Variants in MYO15B observed in about 807,000 individuals in gnomAD.
MYO15B encodes the protein myosin XVB pseudogene.
MYO15B carries 207 observed loss-of-function variants against 119.3 expected under a neutral mutation model. The ratio of observed to expected loss-of-function variants is 1.73; its 90% CI spans 1.55 to 1.95. MYO15B has a LOEUF of 1.95. Ranked by LOEUF, MYO15B falls within the 30% of genes most tolerant of loss-of-function variation. The probability of loss-of-function intolerance (pLI) is 0.00; values close to 1 mark genes in which losing one functional copy is unlikely to be tolerated. For missense variants in MYO15B, 2,264 were observed against 1,203.1 expected (o/e 1.88, Z -13.04); for synonymous variants, 966 against 498.9 (o/e 1.94, Z -12.48).
chr17:75,619,502 G>A, intron 45 of MYO15B, 26 bp downstream of exon 45: 1 of 698,722 alleles, frequency 1.4e-6, no homozygotes, highest in Non-Finnish European at 2.6e-6. Context: ...GTAGGGAGTA[G>A]GGATGCCAGG....
At position 75,603,171 on chromosome 17, in the gene MYO15B, C is replaced by A; in HGVS notation, c.3892-17C>A. On this transcript the variant is annotated splice_polypyrimidine_tract_variant and intron_variant, in intron 18 of 63. Transcript: ENST00000645453. ...CCCTTGACTCCAGCTGTCTTTGGCT[C>A]TGTCTTGTGGCCACAGCTTCCAGGC... 1 of 703,180 alleles carries A rather than the reference C, an allele frequency of 1.4e-6. No homozygotes were observed. 43.6% of individuals were successfully genotyped at this position (703,180 alleles called of 1,614,324 possible).
At chr17:75,617,547 C>T (rs972757927) in intron 41 of MYO15B, 3 of 575,666 alleles carry the variant, frequency 5.2e-6, no homozygotes, top group Non-Finnish European at 9.2e-6. Context: ...TTGTCCCTGA[C>T]ACATACCCGA....
chr17:75,597,169 G>A (rs1340143687), intron 14 of MYO15B, among the ~76,000 whole-genome samples: 1 of 152,232 alleles, frequency 6.6e-6, no homozygotes, highest in African/African-American at 2.4e-5. Flanking sequence ...ACAGAAGGGG[G>A]ACAGTAGTGC....
chr17:75,593,695 G>A (rs528474748), intron 9 of MYO15B, among the ~76,000 whole-genome samples: 6 of 150,590 alleles, frequency 4.0e-5, no homozygotes, highest in African/African-American at 1.5e-4. Context: ...CTAGATGGGC[G>A]GATCACCTGA....
exon 49 of MYO15B, chr17:75,620,525 G>T (rs1314803063): frequency 1.4e-6 from 1 of 702,854 alleles, no homozygotes; most frequent in Non-Finnish European, 2.6e-6. Context: ...ACATAGTGCA[G>T]CCGGCTGCCG....
intron 14 of MYO15B, among the ~76,000 whole-genome samples, chr17:75,598,451 G>A (rs1262091907): frequency 1.4e-5 from 2 of 146,670 alleles, no homozygotes; most frequent in African/African-American, 2.5e-5. Flanking sequence ...GATAGTGGGC[G>A]CCTGTAGTCC....
chr17:75,608,794 C>T (rs2057816590), intron 21 of MYO15B, among the ~76,000 whole-genome samples: 1 of 152,050 alleles, frequency 6.6e-6, no homozygotes. Flanking sequence ...AGTGCAATGG[C>T]TTGGTCTCAG....
At chr17:75,592,999 T>TAC in intron 9 of MYO15B, 159 bp downstream of exon 9, 1 of 572,304 alleles carries the variant, frequency 1.7e-6, no homozygotes, top group Non-Finnish European at 3.1e-6. Context: ...AGCTGAGACA[T>TAC]AGAGCTTCTC....
In MYO15B at chr17:75,615,257, C is replaced by T. The variant is rs1163370922; in HGVS notation, c.5659C>T (p.Gln1887Ter). ...TCCCTCAGTGTACCCAGGAATGATT[C>T]AGATGCCTGCATACCAGCCAGGCAT... The change falls in exon 34 of 64, where the codon CAG becomes TAG. Residue 1887 changes from glutamine to a stop codon, truncating the protein, a stop_gained. Transcript: ENST00000645453. LOFTEE classifies it high-confidence loss of function. 1.4e-6 allele frequency: 1 copy of T among 702,612 alleles called. No homozygotes were observed. The highest frequency in any genetic ancestry group is 2.0e-5 in the Admixed American group (1 of 50,004). The allele number at this position is 702,612 out of a possible 1,614,324, so 43.5% of individuals were successfully genotyped here.
In MYO15B at chr17:75,619,859, C is replaced by A. The variant is rs1307909571; in HGVS notation, c.7302-20C>A. On this transcript the variant is annotated intron_variant, in intron 46 of 63. Coordinates refer to ENST00000645453, the Ensembl canonical transcript of MYO15B. ...GGCAGGTGGCAAGGTGACCTCAGTTCATGCCCGATCCCTGCGCAGCTTTGC... is the reference window on the plus strand; with the variant it reads ...GGCAGGTGGCAAGGTGACCTCAGTTAATGCCCGATCCCTGCGCAGCTTTGC... 2.8e-6 allele frequency: 2 copies of A among 701,914 alleles called. No homozygotes were observed. The highest frequency in any genetic ancestry group is 3.5e-5 in the African/African-American group (2 of 57,242). The allele number at this position is 701,914 out of a possible 1,614,324, so 43.5% of individuals were successfully genotyped here.
chr17:75,615,818 C>A (rs1399301495), exon 36 of MYO15B: 1 of 702,646 alleles, frequency 1.4e-6, no homozygotes, highest in East Asian at 2.7e-5. Flanking sequence ...CCTCCAAGCC[C>A]AGGAAGCCCC....
exon 27 of MYO15B, chr17:75,613,160 T>G: frequency 1.4e-6 from 1 of 702,154 alleles, no homozygotes; most frequent in African/African-American, 1.7e-5. Context: ...CATGGCTGTT[T>G]TGCTCAGCGC....
intron 43 of MYO15B, among the ~76,000 whole-genome samples, chr17:75,618,798 G>A (rs1238522349): frequency 6.6e-6 from 1 of 152,228 alleles, no homozygotes; most frequent in Non-Finnish European, 1.5e-5. Context: ...GCTCCCAGGA[G>A]TGAGCCTCTG....
chr17:75,594,808 CTA>C (rs1325120324), intron 11 of MYO15B, 30 bp from the exon 12 acceptor site: 3 of 702,694 alleles, frequency 4.3e-6, no homozygotes, highest in Non-Finnish European at 7.8e-6. Context: ...AGGCACGGCT[CTA>C]TGTGGCTCAC....
chr17:75,619,459 C>G, exon 45 of MYO15B: 1 of 702,546 alleles, frequency 1.4e-6, no homozygotes, highest in Non-Finnish European at 2.6e-6. Flanking sequence ...TTACTTCTCC[C>G]GCTTCTTTCC....
At position 75,607,425 on chromosome 17, in the gene MYO15B, ATAAT is replaced by A. The variant is rs201935949; in HGVS notation, c.4292+1411_4292+1414del. ...CATTCAGTTCCAGGCTTGAGGGTTA[ATAAT>A]TAATTATTATTATTATTATTATTAT... is the stretch of plus-strand genomic sequence containing the variant. On this transcript the variant is annotated intron_variant, in intron 21 of 63. Transcript: ENST00000645453. 2.5e-3 allele frequency among the ~76,000 whole-genome samples: 276 copies of A among 112,336 alleles called. 1 individual carries two copies. Among genetic ancestry groups the A allele is most frequent in the African/African-American group, 8.0e-3 (247 of 30,862 alleles). The allele number at this position is 112,336 out of a possible 152,430, so 73.7% of individuals were successfully genotyped here. A position where few individuals can be genotyped will look rare whatever the true frequency, so the allele number is the denominator to read the frequency against.
At chr17:75,602,747 G>A in intron 16 of MYO15B, 83 bp from the exon 17 acceptor site, 1 of 604,588 alleles carries the variant, frequency 1.7e-6, no homozygotes, top group Non-Finnish European at 2.9e-6. Flanking sequence ...GATGCCGAGG[G>A]CTGGTCCATT....
chr17:75,602,645 A>G (rs944207803), intron 16 of MYO15B, 51 bp downstream of exon 16: 26 of 620,234 alleles, frequency 4.2e-5, no homozygotes, highest in Middle Eastern at 2.6e-4. Flanking sequence ...CTGTCCCCCA[A>G]TTCTGTCCTT....
exon 41 of MYO15B, chr17:75,617,304 T>C (rs1003456893): frequency 4.8e-6 from 3 of 631,080 alleles, no homozygotes; most frequent in South Asian, 1.7e-5. Context: ...AGAGCGTCGT[T>C]GTAAGGAACC....
Sources: allele counts gnomAD v4.1 joint callset (sites outside exome capture counted in the v4.1 genomes callset), GRCh38; gene constraint gnomAD v4.1.1; transcripts MANE v1.5; gene names NCBI Gene and HGNC (gene_info 2026-07-23, HGNC 2026-07-21).